The following KAZN variants were observed in gnomAD, a reference collection of about 807,000 sequenced individuals.
The protein encoded by KAZN is kazrin, periplakin interacting protein, also known as kazrin.
In KAZN, 40 loss-of-function variants were observed where a neutral mutation model predicts 87.4. The ratio of observed to expected loss-of-function variants is 0.46; its 90% CI spans 0.36 to 0.60. KAZN has a LOEUF of 0.60. Ranked by LOEUF, KAZN falls within the 20% of genes least tolerant of loss-of-function variation. The pLI, the probability that KAZN is intolerant of heterozygous loss-of-function variation, is 0.00. For missense variants in KAZN, 898 were observed against 1,073.9 expected (o/e 0.84, Z 2.29); for synonymous variants, 466 against 458.3 (o/e 1.02, Z -0.22).
chr1:14,110,476 C>T (rs1444452821), intron 1 of KAZN, among the ~76,000 whole-genome samples: 3 of 152,196 alleles, frequency 2.0e-5, no homozygotes, highest in Non-Finnish European at 4.4e-5. Context: ...TGGGTGTGAC[C>T]CATACAACTT....
At chr1:14,337,201 T>G (rs963403698) in intron 2 of KAZN, among the ~76,000 whole-genome samples, 1 of 152,222 alleles carries the variant, frequency 6.6e-6, no homozygotes, top group Non-Finnish European at 1.5e-5. Flanking sequence ...CACAAGTGTT[T>G]GATATGTAAT....
At chr1:14,451,534 AC>A (rs1667274932) in intron 2 of KAZN, among the ~76,000 whole-genome samples, 1 of 152,120 alleles carries the variant, frequency 6.6e-6, no homozygotes, top group African/African-American at 2.4e-5. Context: ...GAGAAACAGA[AC>A]CCACCTATGT....
At chr1:14,931,174 C>T (rs1449837816) in intron 1 of KAZN, among the ~76,000 whole-genome samples, 1 of 152,018 alleles carries the variant, frequency 6.6e-6, no homozygotes, top group African/African-American at 2.4e-5. Flanking sequence ...CGATGGCTCA[C>T]ACCTGTAGTC....
intron 1 of KAZN, among the ~76,000 whole-genome samples, chr1:14,005,276 G>A (rs1639987522): frequency 6.6e-6 from 1 of 152,186 alleles, no homozygotes; most frequent in Admixed American, 6.5e-5. Context: ...CCAAGCTGAT[G>A]GCCGCAGAGA....
intron 2 of KAZN, among the ~76,000 whole-genome samples, chr1:14,349,548 A>G (rs190115638): frequency 3.9e-5 from 6 of 152,270 alleles, no homozygotes; most frequent in African/African-American, 9.6e-5. Context: ...ACCATTCCCA[A>G]GGTCTCTCCA....
intron 1 of KAZN, among the ~76,000 whole-genome samples, chr1:14,048,751 C>T (rs1358487274): frequency 2.6e-5 from 4 of 152,154 alleles, no homozygotes; most frequent in African/African-American, 9.7e-5. Flanking sequence ...TGTTTAAAAC[C>T]TTTCAATGAT....
intron 2 of KAZN, among the ~76,000 whole-genome samples, chr1:14,560,659 A>C (rs1284699117): frequency 2.6e-5 from 4 of 152,212 alleles, no homozygotes; most frequent in Non-Finnish European, 5.9e-5. Flanking sequence ...TGCTTTTGAC[A>C]GTGCCTGGCA....
chr1:14,710,555 C>G (rs571125683), intron 1 of KAZN, among the ~76,000 whole-genome samples: 2 of 152,300 alleles, frequency 1.3e-5, no homozygotes, highest in East Asian at 3.9e-4. Context: ...GCACACTCCA[C>G]CCTGGGTCCC....
At chr1:15,042,665 G>A (rs1370078597) in intron 3 of KAZN, among the ~76,000 whole-genome samples, 1 of 152,160 alleles carries the variant, frequency 6.6e-6, no homozygotes, top group African/African-American at 2.4e-5. Context: ...CCAGGATTTG[G>A]CCCAGGTTCT....
At chr1:14,835,080 C>A (rs1489215687) in intron 1 of KAZN, among the ~76,000 whole-genome samples, 1 of 152,238 alleles carries the variant, frequency 6.6e-6, no homozygotes, top group Non-Finnish European at 1.5e-5. Flanking sequence ...AGATTGAGTG[C>A]ATGGCATTAA....
chr1:14,030,503 C>T (rs902674153), intron 1 of KAZN, among the ~76,000 whole-genome samples: 3 of 151,852 alleles, frequency 2.0e-5, no homozygotes, highest in Admixed American at 6.6e-5. Context: ...GTGGGTGCAG[C>T]GCACCCGCAT....
intron 1 of KAZN, among the ~76,000 whole-genome samples, chr1:13,933,621 T>C (rs546897349): frequency 3.3e-5 from 5 of 152,366 alleles, no homozygotes; most frequent in East Asian, 3.9e-4. Context: ...GGCATAGCTA[T>C]GGACAGAACA....
intron 1 of KAZN, among the ~76,000 whole-genome samples, chr1:14,731,898 A>G (rs1643694332): frequency 6.6e-6 from 1 of 152,236 alleles, no homozygotes; most frequent in Admixed American, 6.5e-5. Context: ...GTTCCGTGAG[A>G]TCACATACGT....
rs141562526 is a variant in KAZN, at chr1:14,662,964, C to CATATATATATATATATATAT, written c.226+63759_226+63760insATATATATATATATATATAT. Among the ~76,000 whole-genome samples, 5 of 127,962 alleles carry CATATATATATATATATATAT rather than the reference C, an allele frequency of 3.9e-5. No individual in the cohort carries two copies. In the East Asian group the frequency reaches 1.1e-3, roughly 29 times the overall value. 83.9% of individuals were successfully genotyped at this position (127,962 alleles called of 152,430 possible). ...ATGTAAATATATATATATATGCACA[C>CATATATATATATATATATAT]ATATATATATATATATATTTTAGAG... is the stretch of plus-strand genomic sequence containing the variant. On this transcript the variant is annotated intron_variant, in intron 1 of 14. Coordinates refer to ENST00000376030, the MANE Select transcript of KAZN (RefSeq NM_201628.3).
At chr1:14,037,497 T>C (rs1349549151) in intron 1 of KAZN, among the ~76,000 whole-genome samples, 1 of 152,160 alleles carries the variant, frequency 6.6e-6, no homozygotes, top group Non-Finnish European at 1.5e-5. Flanking sequence ...TGTTGGTCAG[T>C]GGAGGAATAG....
intron 2 of KAZN, among the ~76,000 whole-genome samples, chr1:14,561,576 A>T (rs1237373658): frequency 6.6e-6 from 1 of 152,104 alleles, no homozygotes; most frequent in African/African-American, 2.4e-5. Context: ...AGTTACAGTC[A>T]ATACTGGGAG....
chr1:14,711,729 T>C (rs142410036), intron 1 of KAZN, among the ~76,000 whole-genome samples: 110 of 152,288 alleles, frequency 7.2e-4, no homozygotes, highest in African/African-American at 2.5e-3. Context: ...TCTGCCAGCC[T>C]TCAGGTCAGT....
chr1:14,587,207 G>T (rs1050684174), intron 2 of KAZN, among the ~76,000 whole-genome samples: 1 of 152,126 alleles, frequency 6.6e-6, no homozygotes, highest in African/African-American at 2.4e-5. Context: ...AGGCCAAGGA[G>T]GGTGGATCAT....
At chr1:14,947,052 A>G (rs1319320056) in intron 1 of KAZN, among the ~76,000 whole-genome samples, 17 of 152,098 alleles carry the variant, frequency 1.1e-4, no homozygotes, top group Admixed American at 1.1e-3. Context: ...GGAGAAGGAA[A>G]CTGAGACACT....
Sources: gnomAD v4.1 joint callset for allele counts (sites outside exome capture counted in the v4.1 genomes callset) on GRCh38, gnomAD v4.1.1 for gene constraint, MANE v1.5 for transcripts, NCBI Gene and HGNC (gene_info 2026-07-23, HGNC 2026-07-21) for gene names.